The following SH3RF3 variants were observed in gnomAD, a reference collection of about 807,000 sequenced individuals.
SH3RF3 encodes the protein E3 ubiquitin-protein ligase SH3RF3.
In SH3RF3, 29 loss-of-function variants were observed where a neutral mutation model predicts 66.3. The observed-to-expected ratio is 0.44, with a 90% CI of 0.33 to 0.60. The LOEUF (loss-of-function observed/expected upper bound fraction) is 0.60. Among genes scored for constraint, SH3RF3 ranks in the 20% least tolerant of loss-of-function variants. The probability of loss-of-function intolerance (pLI) is 0.04; values close to 1 mark genes in which losing one functional copy is unlikely to be tolerated. For synonymous variants in SH3RF3, 583 were observed against 532.0 expected (o/e 1.10, Z -1.32); for missense variants, 1,194 against 1,190.9 (o/e 1.00, Z -0.04).
chr2:109,143,272 T>G (rs1265968979), intron 1 of SH3RF3, among the ~76,000 whole-genome samples: 3 of 152,200 alleles, frequency 2.0e-5, no homozygotes, highest in African/African-American at 7.2e-5. Context: ...AGGAACTCAT[T>G]AAGTAAGTAT....
chr2:109,152,908 A>G (rs1463046323), intron 1 of SH3RF3, among the ~76,000 whole-genome samples: 2 of 152,172 alleles, frequency 1.3e-5, no homozygotes, highest in Admixed American at 1.3e-4. Context: ...GGAGGCACGC[A>G]ATTGAAAGCT....
At chr2:109,194,278 C>T (rs1054473641) in intron 1 of SH3RF3, among the ~76,000 whole-genome samples, 8 of 152,208 alleles carry the variant, frequency 5.3e-5, no homozygotes, top group East Asian at 1.9e-4. Flanking sequence ...ACACAGATGC[C>T]GGTCTTGTGT....
chr2:109,490,939 A>G lies in SH3RF3; in HGVS notation c.2480+3A>G. 1 of 1,488,246 alleles carries G rather than the reference A, an allele frequency of 6.7e-7. No individual in the cohort carries two copies. The highest frequency in any genetic ancestry group is 2.1e-5 in the Admixed American group (1 of 48,026). The allele number at this position is 1,488,246 out of a possible 1,614,324, so 92.2% of individuals were successfully genotyped here. On this transcript the variant is annotated splice_donor_region_variant and intron_variant, in intron 9 of 9. Coordinates refer to ENST00000309415, the MANE Select transcript of SH3RF3 (RefSeq NM_001099289.3). ...CCCAAGCTGTTGCCCAGAGAGAGGT[A>G]AGTGCAGGGGCTTGTCTGCTCTGTG... is the stretch of plus-strand genomic sequence containing the variant.
intron 1 of SH3RF3, among the ~76,000 whole-genome samples, chr2:109,169,903 A>T (rs1398560161): frequency 6.6e-6 from 1 of 152,132 alleles, no homozygotes; most frequent in Non-Finnish European, 1.5e-5. Context: ...CATGCATGGC[A>T]GGTGCTTTAT....
intron 4 of SH3RF3, among the ~76,000 whole-genome samples, chr2:109,405,749 C>T (rs1676437161): frequency 6.6e-6 from 1 of 152,236 alleles, no homozygotes; most frequent in South Asian, 2.1e-4. Context: ...GTCTCTTTGC[C>T]TACAGGACTT....
At chr2:109,422,678 G>C (rs1329306764) in intron 5 of SH3RF3, among the ~76,000 whole-genome samples, 2 of 152,194 alleles carry the variant, frequency 1.3e-5, no homozygotes, top group Admixed American at 6.5e-5. Context: ...AAATATGATT[G>C]TCTGCTCCTA....
chr2:109,130,550 G>A (rs1387255375), intron 1 of SH3RF3, among the ~76,000 whole-genome samples: 5 of 152,136 alleles, frequency 3.3e-5, no homozygotes, highest in Admixed American at 3.3e-4. Flanking sequence ...GGAAGCCCGC[G>A]GGCCTCCTGC....
Position 109,498,963 on chromosome 2 carries a change from G to A in SH3RF3, c.2481-2540G>A, listed in dbSNP as rs111565950. Among the ~76,000 whole-genome samples, 238 of 152,334 alleles carry A rather than the reference G, an allele frequency of 1.6e-3. 1 individual carries two copies. Among genetic ancestry groups the A allele is most frequent in the African/African-American group, 5.3e-3 (222 of 41,588 alleles). On this transcript the variant is annotated intron_variant, in intron 9 of 9. Transcript: ENST00000309415. ...GCGGCAGGGCAGAGCTGGTGGAGTG[G>A]GAAGGGCGCAGTGTGGAGGGCCTGG...
chr2:109,419,784 C>A, intron 5 of SH3RF3, 142 bp downstream of exon 5: 2 of 720,946 alleles, frequency 2.8e-6, no homozygotes, highest in Admixed American at 5.8e-5. Context: ...CTAATAACAC[C>A]GCTGAAGGGA....
chr2:109,347,911 G>A lies in SH3RF3; in HGVS notation c.811G>A (p.Asp271Asn), dbSNP rs772095324. The change falls in exon 2 of 10, where the codon GAC becomes AAC. Residue 271 changes from aspartate to asparagine, a missense_variant. Transcript: ENST00000309415. ...GKALYDFEMK[D>N]KDQDKDCLTF... is the part of the protein sequence containing the mutation. The stretch of plus-strand genomic sequence containing the variant: ...AGCACTTTATGATTTCGAGATGAAG[G>A]ACAAAGACCAAGACAAGGACTGTCT... 1 of 1,610,030 alleles carries A rather than the reference G, an allele frequency of 6.2e-7. No individual in the cohort carries two copies.
chr2:109,149,085 T>C (rs1478333556), intron 1 of SH3RF3, among the ~76,000 whole-genome samples: 1 of 152,190 alleles, frequency 6.6e-6, no homozygotes, highest in Non-Finnish European at 1.5e-5. Context: ...GAGTGCCTCA[T>C]GCAGGCCAGA....
intron 1 of SH3RF3, among the ~76,000 whole-genome samples, chr2:109,193,830 C>T (rs1331494630): frequency 1.3e-5 from 2 of 152,164 alleles, no homozygotes; most frequent in Non-Finnish European, 2.9e-5. Context: ...TACCCAGCAC[C>T]TGATTTAAGT....
At chr2:109,456,204 C>T (rs1010285482) in intron 8 of SH3RF3, among the ~76,000 whole-genome samples, 5 of 152,196 alleles carry the variant, frequency 3.3e-5, no homozygotes, top group African/African-American at 1.2e-4. Context: ...GGCAGCTCTG[C>T]TGGTTAGTGG....
At chr2:109,138,583 C>G (rs1217230811) in intron 1 of SH3RF3, among the ~76,000 whole-genome samples, 1 of 152,168 alleles carries the variant, frequency 6.6e-6, no homozygotes, top group Non-Finnish European at 1.5e-5. Context: ...CAGGGCAGCC[C>G]CTGGGCAGCC....
At chr2:109,212,809 T>G (rs1394625260) in intron 1 of SH3RF3, among the ~76,000 whole-genome samples, 1 of 150,976 alleles carries the variant, frequency 6.6e-6, no homozygotes, top group Non-Finnish European at 1.5e-5. Context: ...GCTGGAGGAG[T>G]TAGACCTCCT....
chr2:109,429,561 A>G (rs908839427), intron 5 of SH3RF3, among the ~76,000 whole-genome samples: 1 of 152,100 alleles, frequency 6.6e-6, no homozygotes, highest in Non-Finnish European at 1.5e-5. Flanking sequence ...TGAGGAGCCA[A>G]CATACCCCAT....
rs1228976210 is a variant in SH3RF3, at chr2:109,494,275, T to C, written c.2480+3339T>C. Reference sequence around the variant, plus strand: ...GAGTGTTCCATCTAATCAGGGGTCATTGTACCCAGAGACTCTTTGGTGGCT... The same window carrying C: ...GAGTGTTCCATCTAATCAGGGGTCACTGTACCCAGAGACTCTTTGGTGGCT... On this transcript the variant is annotated intron_variant, in intron 9 of 9. Coordinates refer to ENST00000309415, the MANE Select transcript of SH3RF3 (RefSeq NM_001099289.3). 8.1e-5 allele frequency among the ~76,000 whole-genome samples: 12 copies of C among 148,798 alleles called. No homozygotes were observed. The Admixed American group carries it at 8.2e-4, about 10-fold the overall frequency.
At chr2:109,383,706 G>A (rs182476028) in intron 3 of SH3RF3, among the ~76,000 whole-genome samples, 6 of 152,248 alleles carry the variant, frequency 3.9e-5, no homozygotes, top group East Asian at 3.9e-4. Flanking sequence ...CTCAACCCCC[G>A]CAGAGGAGCT....
intron 8 of SH3RF3, among the ~76,000 whole-genome samples, chr2:109,460,553 G>A (rs900016638): frequency 6.6e-6 from 1 of 152,156 alleles, no homozygotes; most frequent in Non-Finnish European, 1.5e-5. Context: ...TGAGGAAAGA[G>A]GCTCAGTCAT....
Sources: gnomAD v4.1 joint callset for allele counts (sites outside exome capture counted in the v4.1 genomes callset) on GRCh38, gnomAD v4.1.1 for gene constraint, MANE v1.5 for transcripts, NCBI Gene and HGNC (gene_info 2026-07-23, HGNC 2026-07-21) for gene names.